Variants in IFT88 observed in about 807,000 individuals in gnomAD.
IFT88 encodes intraflagellar transport protein 88 homolog.
IFT88 carries 74 observed loss-of-function variants against 119.5 expected under a neutral mutation model. The ratio of observed to expected loss-of-function variants is 0.62; its 90% CI spans 0.51 to 0.75. The LOEUF (loss-of-function observed/expected upper bound fraction) is 0.75, where lower values mean the gene tolerates loss of function less well. IFT88 is among the 30% of genes least tolerant of loss of function. The pLI is 0.00. For synonymous variants in IFT88, 279 were observed against 316.7 expected, an observed-to-expected ratio of 0.88 and a Z score of 1.26; for missense variants, 961 against 977.7, an observed-to-expected ratio of 0.98 and a Z score of 0.23.
intron 16 of IFT88, among the ~76,000 whole-genome samples, chr13:20,634,619 C>T (rs1034855170): frequency 2.0e-5 from 3 of 151,456 alleles, no homozygotes; most frequent in Non-Finnish European, 2.9e-5. Context: ...CCCAGCTACT[C>T]GGGAGGCTGA....
intron 22 of IFT88, among the ~76,000 whole-genome samples, chr13:20,658,318 C>T (rs1420895046): frequency 1.3e-5 from 2 of 151,910 alleles, no homozygotes; most frequent in Non-Finnish European, 2.9e-5. Flanking sequence ...ACTCTTCAAG[C>T]GATTCTCTTG....
In IFT88 at chr13:20,597,127, TTG is replaced by T; in HGVS notation, c.594+9_594+10del. On this transcript the variant is annotated intron_variant, in intron 9 of 25. Coordinates refer to ENST00000351808, the MANE Select transcript of IFT88 (RefSeq NM_006531.5). Reference sequence around the variant, plus strand: ...TTGGATTTAACTTACTCAGTAAGTATTGAAATATAACACAATTTTTAAATAAA... The same window carrying T: ...TTGGATTTAACTTACTCAGTAAGTATAAATATAACACAATTTTTAAATAAA... 2.1e-6 allele frequency: 3 copies of T among 1,452,818 alleles called. No homozygotes were observed. The highest frequency in any genetic ancestry group is 2.9e-6 in the Non-Finnish European group (3 of 1,050,276). 90.0% of individuals were successfully genotyped at this position (1,452,818 alleles called of 1,614,324 possible). A position where few individuals can be genotyped will look rare whatever the true frequency, so the allele number is the denominator to read the frequency against.
At chr13:20,627,048 A>G (rs1343448980) in intron 15 of IFT88, among the ~76,000 whole-genome samples, 1 of 152,224 alleles carries the variant, frequency 6.6e-6, no homozygotes, top group Non-Finnish European at 1.5e-5. Context: ...AGAATATGAG[A>G]GTAGAAAAAA....
chr13:20,618,961 A>G (rs561723441), intron 14 of IFT88, among the ~76,000 whole-genome samples: 2 of 150,322 alleles, frequency 1.3e-5, no homozygotes, highest in African/African-American at 4.9e-5. Flanking sequence ...AGTCCACGCT[A>G]TTCTCCTGCC....
intron 14 of IFT88, among the ~76,000 whole-genome samples, chr13:20,620,856 T>A (rs112240316): frequency 8.1e-4 from 124 of 152,298 alleles, no homozygotes; most frequent in African/African-American, 2.9e-3. Context: ...ATGGAATTAG[T>A]GCCCTTATAA....
chr13:20,625,742 C>T lies in IFT88; in HGVS notation c.1200-8C>T. 2 of 1,571,488 alleles carry T rather than the reference C, an allele frequency of 1.3e-6. No individual in the cohort carries two copies. The highest frequency in any genetic ancestry group is 8.6e-7 in the Non-Finnish European group (1 of 1,156,162). On this transcript the variant is annotated splice_polypyrimidine_tract_variant and splice_region_variant and intron_variant, in intron 14 of 25. Coordinates refer to ENST00000351808, the MANE Select transcript of IFT88 (RefSeq NM_006531.5). Reference sequence around the variant, plus strand: ...ATCAAGTAAGGTTTTTTATGCTTTCCCTTATAGGTGCGTGGAAGTGGTGAA... The same window carrying T: ...ATCAAGTAAGGTTTTTTATGCTTTCTCTTATAGGTGCGTGGAAGTGGTGAA...
intron 11 of IFT88, among the ~76,000 whole-genome samples, 190 bp from the exon 12 acceptor site, chr13:20,601,512 CAAT>C (rs1462500535): frequency 1.7e-4 from 26 of 152,040 alleles, no homozygotes; most frequent in Middle Eastern, 6.8e-3. Flanking sequence ...ATAAATACAG[CAAT>C]AATTATCGAA....
chr13:20,676,597 G>C (rs965565675), intron 24 of IFT88, among the ~76,000 whole-genome samples: 37 of 152,172 alleles, frequency 2.4e-4, no homozygotes, highest in African/African-American at 8.7e-4. Flanking sequence ...GTGTAACCAA[G>C]TGTACCCCTG....
intron 23 of IFT88, among the ~76,000 whole-genome samples, chr13:20,666,663 C>G (rs2054741158): frequency 6.6e-6 from 1 of 152,064 alleles, no homozygotes; most frequent in South Asian, 2.1e-4. Flanking sequence ...CTATTCTGTG[C>G]CTTCTCTCAT....
chr13:20,657,155 G>A (rs1051609074), intron 22 of IFT88, among the ~76,000 whole-genome samples: 1 of 152,036 alleles, frequency 6.6e-6, no homozygotes, highest in Non-Finnish European at 1.5e-5. Context: ...TGCTCCTGGC[G>A]GCAAATAATT....
chr13:20,578,034 C>CTTTTTTTTTTTTTTTTT lies in IFT88; in HGVS notation c.90+3571_90+3587dup, dbSNP rs57202566. ...TATTGTGGCTTCAGTCTTGTTACTTCTTTTTTTTTTTTTTTTTTTTTTTTT... is the reference window on the plus strand; with the variant it reads ...TATTGTGGCTTCAGTCTTGTTACTTCTTTTTTTTTTTTTTTTTTTTTTTTTTTTTTTTTTTTTTTTTT... On this transcript the variant is annotated intron_variant, in intron 2 of 25. Coordinates refer to ENST00000351808, the MANE Select transcript of IFT88 (RefSeq NM_006531.5). Among the ~76,000 whole-genome samples, 3 of 55,872 alleles carry CTTTTTTTTTTTTTTTTT rather than the reference C, an allele frequency of 5.4e-5. 1 individual carries two copies. Among genetic ancestry groups the CTTTTTTTTTTTTTTTTT allele is most frequent in the African/African-American group, 1.3e-4 (2 of 15,418 alleles). 36.7% of individuals were successfully genotyped at this position (55,872 alleles called of 152,430 possible).
chr13:20,685,601 T>C (rs1006357810), intron 24 of IFT88, among the ~76,000 whole-genome samples: 11 of 152,246 alleles, frequency 7.2e-5, no homozygotes, highest in Non-Finnish European at 1.3e-4. Context: ...CCGGGCATGG[T>C]GGCTCACGCC....
In IFT88 at chr13:20,601,907, G is replaced by C; in HGVS notation, c.1015G>C (p.Asp339His). 2 of 1,594,328 alleles carry C rather than the reference G, an allele frequency of 1.3e-6. No individual in the cohort carries two copies. Among genetic ancestry groups the C allele is most frequent in the Non-Finnish European group, 1.7e-6 (2 of 1,162,156 alleles). ...ATTGATTACTGTTCCATTAGAAATT[G>C]ATGAAGATAAATATATTTCACCAAG... is the stretch of plus-strand genomic sequence containing the variant. ...QKLITVPLEI[D>H]EDKYISPSDD... Residue 339 changes from aspartate (D) to histidine (H), a missense_variant, in exon 12 of 26, where the codon GAT (aspartate) becomes CAT (histidine). By Grantham distance (81) the Asp-to-His change is moderately conservative. Transcript: ENST00000351808.
chr13:20,588,137 C>T (rs1463651108), intron 3 of IFT88, among the ~76,000 whole-genome samples: 2 of 151,360 alleles, frequency 1.3e-5, no homozygotes, highest in Admixed American at 1.3e-4. Flanking sequence ...TAGTGTTTCC[C>T]TAAATATTAT....
intron 24 of IFT88, among the ~76,000 whole-genome samples, chr13:20,674,732 T>TG (rs2056437171): frequency 9.3e-5 from 13 of 139,850 alleles, no homozygotes; most frequent in Admixed American, 2.2e-4. Flanking sequence ...ATATTTTTTT[T>TG]TTTTTTTTTT....
At chr13:20,660,672 G>T (rs778537763) in intron 22 of IFT88, among the ~76,000 whole-genome samples, 9 of 152,204 alleles carry the variant, frequency 5.9e-5, no homozygotes, top group Non-Finnish European at 1.3e-4. Flanking sequence ...CCATTTAGAT[G>T]TGAGACTTGA....
At chr13:20,580,724 C>CTTTTTTTT (rs1162699940) in intron 2 of IFT88, among the ~76,000 whole-genome samples, 220 of 122,614 alleles carry the variant, frequency 1.8e-3, no homozygotes, top group Non-Finnish European at 2.3e-3. Context: ...TTTCTTTTTT[C>CTTTTTTTT]TTTTTTTTTT....
At chr13:20,610,520 TATC>T (rs2044300533) in intron 13 of IFT88, among the ~76,000 whole-genome samples, 1 of 151,688 alleles carries the variant, frequency 6.6e-6, no homozygotes, top group Non-Finnish European at 1.5e-5. Flanking sequence ...TCTTTGGACA[TATC>T]ATTGAACTCC....
At chr13:20,611,370 A>T (rs1479403134) in intron 13 of IFT88, among the ~76,000 whole-genome samples, 1 of 151,568 alleles carries the variant, frequency 6.6e-6, no homozygotes, top group Non-Finnish European at 1.5e-5. Flanking sequence ...TCTACAAAAA[A>T]ATACAAAAAT....
Sources: allele counts gnomAD v4.1 joint callset (sites outside exome capture counted in the v4.1 genomes callset), GRCh38; gene constraint gnomAD v4.1.1; transcripts MANE v1.5; gene names NCBI Gene and HGNC (gene_info 2026-07-23, HGNC 2026-07-21).